ITCH: variants seen among roughly 807,000 people sequenced by gnomAD.
ITCH encodes the protein E3 ubiquitin-protein ligase Itchy homolog.
In ITCH, 28 loss-of-function variants were observed where a neutral mutation model predicts 126.8. That is an observed-to-expected ratio of 0.22 (90% CI 0.16 to 0.30). The LOEUF (loss-of-function observed/expected upper bound fraction) is 0.30, where lower values mean the gene tolerates loss of function less well. Ranked by LOEUF, ITCH falls within the 10% of genes least tolerant of loss-of-function variation. The pLI is 1.00. For missense variants in ITCH, 631 were observed against 1,032.4 expected (o/e 0.61, Z 5.33); for synonymous variants, 342 against 340.0 (o/e 1.01, Z -0.06).
At chr20:34,381,251 C>T (rs1020086738) in intron 2 of ITCH, among the ~76,000 whole-genome samples, 10 of 151,830 alleles carry the variant, frequency 6.6e-5, no homozygotes, top group Non-Finnish European at 1.5e-4. Context: ...AAAAAAACAA[C>T]TATCTGGACG....
chr20:34,468,844 A>C lies in ITCH; in HGVS notation c.1425-1204A>C, dbSNP rs182252001. On this transcript the variant is annotated intron_variant, in intron 14 of 24. Coordinates refer to ENST00000374864, the MANE Select transcript of ITCH (RefSeq NM_031483.7). ...ATATAAGATGTATAAATTGGAAAGG[A>C]AGAAGTAAAACTGTCTCTTTTCCCC... Among the ~76,000 whole-genome samples, 5 of 152,116 alleles carry C rather than the reference A, an allele frequency of 3.3e-5. No individual in the cohort carries two copies. In the East Asian group the frequency reaches 9.6e-4, roughly 29 times the overall value.
In ITCH at chr20:34,489,827, T is replaced by G; in HGVS notation, c.2220T>G (p.Leu740=). 1 of 1,611,828 alleles carries G rather than the reference T, an allele frequency of 6.2e-7. No individual in the cohort carries two copies. Among genetic ancestry groups the G allele is most frequent in the Admixed American group, 1.7e-5 (1 of 60,016 alleles). ...QYFDAKELEV[L]LCGMQEIDLN... ...TGTCTTTTTCATCCCTAAAGGTCCT[T>G]TTATGTGGAATGCAAGAGATTGATT... The change falls in exon 22 of 25, where the codon CTT becomes CTG. Residue 740 remains leucine, a synonymous_variant. Transcript: ENST00000374864.
chr20:34,481,336 C>A, intron 20 of ITCH, 130 bp downstream of exon 20: 3 of 1,014,336 alleles, frequency 3.0e-6, no homozygotes, highest in Non-Finnish European at 4.4e-6. Context: ...CCTATGTAGG[C>A]AGTCATTTTT....
chr20:34,402,190 C>G, intron 3 of ITCH: 2 of 1,401,698 alleles, frequency 1.4e-6, no homozygotes, highest in Non-Finnish European at 2.0e-6. Flanking sequence ...TCTGGAGGTT[C>G]CAGGGCAGCC....
At chr20:34,494,663 T>C (rs1989736360) in intron 23 of ITCH, among the ~76,000 whole-genome samples, 1 of 152,138 alleles carries the variant, frequency 6.6e-6, no homozygotes, top group African/African-American at 2.4e-5. Flanking sequence ...TTTCTAACTA[T>C]TTATAAACAT....
chr20:34,377,593 G>A (rs1455358239), intron 2 of ITCH, among the ~76,000 whole-genome samples: 1 of 152,092 alleles, frequency 6.6e-6, no homozygotes, highest in African/African-American at 2.4e-5. Context: ...GCTGGGCGCG[G>A]TGGCTTACAC....
intron 2 of ITCH, among the ~76,000 whole-genome samples, chr20:34,372,383 A>ATTTTTTTTTTTTTT (rs1568853490): frequency 2.8e-5 from 2 of 70,232 alleles, no homozygotes; most frequent in Non-Finnish European, 5.4e-5. Flanking sequence ...TTTAAGTTCT[A>ATTTTTTTTTTTTTT]CTTTTTTTTT....
chr20:34,440,455 G>A (rs1445810608), intron 9 of ITCH, 111 bp downstream of exon 9: 2 of 835,276 alleles, frequency 2.4e-6, no homozygotes, highest in African/African-American at 3.5e-5. Context: ...TTTGATGACT[G>A]TTTTTTAATT....
chr20:34,417,400 CTTT>C (rs1285064114), intron 6 of ITCH, among the ~76,000 whole-genome samples: 6 of 115,024 alleles, frequency 5.2e-5, no homozygotes, highest in African/African-American at 6.5e-5. Context: ...GCCCGGCTGA[CTTT>C]TTTTTTTTTT....
chr20:34,444,790 G>A (rs539912774), intron 10 of ITCH, among the ~76,000 whole-genome samples: 5 of 152,154 alleles, frequency 3.3e-5, no homozygotes, highest in South Asian at 2.1e-4. Context: ...ACAGATCTGC[G>A]CCACCACACC....
In ITCH at chr20:34,379,625, C is replaced by T. The variant is rs1266332798; in HGVS notation, c.-22+10155C>T. Reference sequence around the variant, plus strand: ...TTTTTTTTTTTTTTAGACGGAGTCTCGCTCTGTCACCCAGGCTGGAGTGCA... The same window carrying T: ...TTTTTTTTTTTTTTAGACGGAGTCTTGCTCTGTCACCCAGGCTGGAGTGCA... On this transcript the variant is annotated intron_variant, in intron 2 of 24. Coordinates refer to ENST00000374864, the MANE Select transcript of ITCH (RefSeq NM_031483.7). Among the ~76,000 whole-genome samples, 37 of 147,432 alleles carry T rather than the reference C, an allele frequency of 2.5e-4. No homozygotes were observed. The East Asian group carries it at 3.1e-3, about 13-fold the overall frequency.
chr20:34,378,607 T>C (rs542697715), intron 2 of ITCH, among the ~76,000 whole-genome samples: 8 of 150,090 alleles, frequency 5.3e-5, no homozygotes, highest in African/African-American at 2.0e-4. Flanking sequence ...GTCATAGAAA[T>C]GCAGCAGTAG....
intron 2 of ITCH, among the ~76,000 whole-genome samples, chr20:34,376,090 CCAAA>C (rs2037833661): frequency 6.6e-6 from 1 of 152,106 alleles, no homozygotes; most frequent in East Asian, 1.9e-4. Flanking sequence ...ACACTGTGGG[CCAAA>C]CAAATTACCA....
chr20:34,376,792 A>G lies in ITCH; in HGVS notation c.-22+7322A>G, dbSNP rs146790065. ...AAAATTGAGGTCTGTAGTATTTACT[A>G]TGGTTGGAGGCAGGGAGACTAGGCT... is the stretch of plus-strand genomic sequence containing the variant. On this transcript the variant is annotated intron_variant, in intron 2 of 24. Transcript: ENST00000374864. Among the ~76,000 whole-genome samples the G allele has an allele frequency of 7.3e-3, 1,108 of 152,262 alleles. 11 individuals carry two copies. Among genetic ancestry groups the G allele is most frequent in the Middle Eastern group, 0.037 (11 of 294 alleles).
chr20:34,473,254 A>G (rs1987817772), intron 16 of ITCH, among the ~76,000 whole-genome samples: 2 of 152,262 alleles, frequency 1.3e-5, no homozygotes, highest in African/African-American at 4.8e-5. Flanking sequence ...TATGGGGGAA[A>G]GTACAGGAGA....
At chr20:34,366,841 C>G (rs2037440130) in intron 1 of ITCH, among the ~76,000 whole-genome samples, 1 of 152,134 alleles carries the variant, frequency 6.6e-6, no homozygotes, top group South Asian at 2.1e-4. Flanking sequence ...AAAGATTGCT[C>G]TGGTGATGAG....
rs1987618972 is a variant in ITCH, at chr20:34,471,535, A to G, written c.1569+20A>G. The G allele has an allele frequency of 6.8e-7, 1 of 1,473,126 alleles. No homozygotes were observed. The highest frequency in any genetic ancestry group is 9.5e-7 in the Non-Finnish European group (1 of 1,051,294). 91.3% of individuals were successfully genotyped at this position (1,473,126 alleles called of 1,614,324 possible). A position where few individuals can be genotyped will look rare whatever the true frequency, so the allele number is the denominator to read the frequency against. On this transcript the variant is annotated intron_variant, in intron 16 of 24. Coordinates refer to ENST00000374864, the MANE Select transcript of ITCH (RefSeq NM_031483.7). ...CAACAGGTACTGTTTCATTCTCTCA[A>G]TAATTTCCCCCCTGGCTGCTAGCTT...
In ITCH at chr20:34,383,699, A is replaced by AT. The variant is rs536716989; in HGVS notation, c.-21-10084dup. 2.9e-4 allele frequency among the ~76,000 whole-genome samples: 43 copies of AT among 150,560 alleles called. 1 individual carries two copies. In the East Asian group the frequency reaches 8.1e-3, roughly 28 times the overall value. The stretch of plus-strand genomic sequence containing the variant: ...TATATATATGTGTGTATTTATTATT[A>AT]TTTTTTTTAATAGAAATGGGGTTTC... On this transcript the variant is annotated intron_variant, in intron 2 of 24. Transcript: ENST00000374864.
Position 34,421,783 on chromosome 20 carries a change from G to A in ITCH, c.476-2697G>A, listed in dbSNP as rs189902574. On this transcript the variant is annotated intron_variant, in intron 6 of 24. Transcript: ENST00000374864. Reference sequence around the variant, plus strand: ...AGCACTCTGGGAAGCCAAGGCGGGAGGATCACTTGAGTCCGGGAGTTTGAG... The same window carrying A: ...AGCACTCTGGGAAGCCAAGGCGGGAAGATCACTTGAGTCCGGGAGTTTGAG... Among the ~76,000 whole-genome samples, 428 of 152,298 alleles carry A rather than the reference G, an allele frequency of 2.8e-3. 3 individuals are homozygous for A. Among genetic ancestry groups the A allele is most frequent in the South Asian group, 0.011 (52 of 4,826 alleles).
Sources: gnomAD v4.1 joint callset for allele counts (sites outside exome capture counted in the v4.1 genomes callset) on GRCh38, gnomAD v4.1.1 for gene constraint, MANE v1.5 for transcripts, NCBI Gene and HGNC (gene_info 2026-07-23, HGNC 2026-07-21) for gene names.